The following ZNF782 variants were observed in gnomAD, a reference collection of about 807,000 sequenced individuals.
ZNF782 encodes the protein zinc finger protein 782.
In ZNF782, 12 loss-of-function variants were observed where a neutral mutation model predicts 13.0. The ratio of observed to expected loss-of-function variants is 0.92; its 90% CI spans 0.59 to 1.50. ZNF782 has a LOEUF of 1.50. Among genes scored for constraint, ZNF782 ranks in the 40% most tolerant of loss-of-function variants. The pLI, the probability that ZNF782 is intolerant of heterozygous loss-of-function variation, is 0.00. For missense variants in ZNF782, 770 were observed against 822.9 expected, an observed-to-expected ratio of 0.94 and a Z score of 0.79; for synonymous variants, 284 against 283.0, an observed-to-expected ratio of 1.00 and a Z score of -0.04.
intron 3 of ZNF782, among the ~76,000 whole-genome samples, chr9:96,848,351 A>G (rs1851395170): frequency 6.6e-6 from 1 of 152,242 alleles, no homozygotes; most frequent in Admixed American, 6.5e-5. Flanking sequence ...GGGCATCCAA[A>G]TTGGAAAAGA....
chr9:96,919,941 T>C, the ZNF782 span, among the ~76,000 whole-genome samples: 3 of 151,574 alleles, frequency 2.0e-5, no homozygotes, highest in Non-Finnish European at 4.4e-5. Flanking sequence ...TACTGAATGT[T>C]GGGGGAAAAT....
intron 2 of ZNF782, 74 bp from the exon 3 acceptor site, chr9:96,852,079 A>T: frequency 1.0e-6 from 1 of 985,040 alleles, no homozygotes; most frequent in Non-Finnish European, 1.6e-6. Flanking sequence ...CCCAAATCTC[A>T]GCAACCCAGT....
chr9:96,826,685 C>T (rs1012970633), intron 5 of ZNF782, among the ~76,000 whole-genome samples: 7 of 152,130 alleles, frequency 4.6e-5, no homozygotes, highest in Admixed American at 2.6e-4. Flanking sequence ...TCATAACTGC[C>T]GAGGGGCTCA....
At chr9:96,876,062 G>A (rs1485040831), upstream of ZNF782, among the ~76,000 whole-genome samples, 1 of 152,226 alleles carries the variant, frequency 6.6e-6, no homozygotes, top group Non-Finnish European at 1.5e-5. Flanking sequence ...TTCTGCCAGA[G>A]CCCCTAGAGG....
At chr9:96,887,318 GAAGGAAGGAAGGAAGGAAGGAAGA>G in the ZNF782 span, 8 of 149,130 alleles carry the variant, frequency 5.4e-5, no homozygotes, top group Admixed American at 2.0e-4. Context: ...AGGAAGGAAG[GAAGGAAGGAAGGAAGGAAGGAAGA>G]AAGAAAGAAA....
At chr9:96,898,649 C>T in the ZNF782 span, among the ~76,000 whole-genome samples, 1 of 146,830 alleles carries the variant, frequency 6.8e-6, no homozygotes, top group African/African-American at 2.6e-5. Flanking sequence ...CGGGCTCAAG[C>T]GATTCTCATG....
intron 4 of ZNF782, among the ~76,000 whole-genome samples, chr9:96,832,440 C>T (rs1390016914): frequency 6.6e-6 from 1 of 152,100 alleles, no homozygotes; most frequent in Non-Finnish European, 1.5e-5. Flanking sequence ...TTGCATTGTT[C>T]TTTCTTCTTT....
chr9:96,878,519 T>C (rs954551590), upstream of ZNF782, among the ~76,000 whole-genome samples: 25 of 152,256 alleles, frequency 1.6e-4, no homozygotes, highest in Non-Finnish European at 3.1e-4. Context: ...CTCTGCACTT[T>C]AGGCTACAGC....
the ZNF782 span, among the ~76,000 whole-genome samples, chr9:96,917,736 T>G: frequency 6.6e-6 from 1 of 151,072 alleles, no homozygotes; most frequent in African/African-American, 2.4e-5. Context: ...GACCAGAAAT[T>G]TTTTTTTAGA....
intron 1 of ZNF782, among the ~76,000 whole-genome samples, chr9:96,875,206 T>C (rs1851878766): frequency 6.6e-6 from 1 of 152,208 alleles, no homozygotes; most frequent in Admixed American, 6.5e-5. Context: ...TCGGTTGTTA[T>C]TTTTAATGCA....
rs367957394 is a variant in ZNF782, at chr9:96,817,896, T to C, written c.*27A>G. The C allele has an allele frequency of 5.4e-5, 82 of 1,518,550 alleles. No homozygotes were observed. In the African/African-American group the frequency reaches 1.1e-3, roughly 20 times the overall value. 94.1% of individuals were successfully genotyped at this position (1,518,550 alleles called of 1,614,324 possible). On this transcript the variant is annotated 3_prime_UTR_variant, in exon 6 of 6. Transcript: ENST00000481138. ...TGAGGTTTGATTTCCAGCTCAGAGT[T>C]TTTTCGTATTCTTTATATGCATACA...
upstream of ZNF782, among the ~76,000 whole-genome samples, chr9:96,877,720 C>T (rs893258658): frequency 1.1e-4 from 16 of 152,176 alleles, no homozygotes; most frequent in African/African-American, 3.9e-4. Context: ...ACTGGTCTCC[C>T]TGCCTGGGGT....
intron 4 of ZNF782, among the ~76,000 whole-genome samples, chr9:96,831,959 ATCTG>A (rs1817048324): frequency 1.3e-5 from 2 of 152,010 alleles, no homozygotes; most frequent in South Asian, 4.1e-4. Context: ...AACTCTTTCA[ATCTG>A]TCTTTTAATT....
intron 4 of ZNF782, among the ~76,000 whole-genome samples, chr9:96,840,096 C>A (rs1223374568): frequency 6.6e-6 from 1 of 152,124 alleles, no homozygotes; most frequent in Non-Finnish European, 1.5e-5. Context: ...CATTTCTTAG[C>A]AGATATGGTT....
chr9:96,887,064 A>C, the ZNF782 span, among the ~76,000 whole-genome samples: 2 of 152,120 alleles, frequency 1.3e-5, no homozygotes, highest in East Asian at 3.8e-4. Context: ...CTGTAATCCC[A>C]GCATTTTGGG....
the ZNF782 span, among the ~76,000 whole-genome samples, chr9:96,923,078 T>C: frequency 5.5e-5 from 8 of 146,490 alleles, no homozygotes; most frequent in Admixed American, 2.7e-4. Flanking sequence ...GAGACACATA[T>C]ACTACATTCC....
chr9:96,860,971 G>T (rs1176817324), intron 2 of ZNF782, among the ~76,000 whole-genome samples: 1 of 152,196 alleles, frequency 6.6e-6, no homozygotes. Context: ...ATCTTGGCTG[G>T]TGCAGAGGCT....
chr9:96,929,184 T>C, the ZNF782 span: 2 of 1,294,342 alleles, frequency 1.5e-6, no homozygotes, highest in East Asian at 4.6e-5. Context: ...CACCTGGGGA[T>C]GGCCATGGCA....
upstream of ZNF782, among the ~76,000 whole-genome samples, chr9:96,856,919 C>G (rs574029485): frequency 1.3e-5 from 2 of 152,348 alleles, no homozygotes; most frequent in South Asian, 2.1e-4. Context: ...CATTCCTTAT[C>G]AAGCCAACAA....
Sources: allele counts gnomAD v4.1 joint callset (sites outside exome capture counted in the v4.1 genomes callset), GRCh38; gene constraint gnomAD v4.1.1; transcripts MANE v1.5; gene names NCBI Gene and HGNC (gene_info 2026-07-23, HGNC 2026-07-21).